ZNF563: variants seen among roughly 807,000 people sequenced by gnomAD.
ZNF563 encodes the protein zinc finger protein 563.
In ZNF563, 39 loss-of-function variants were observed where a neutral mutation model predicts 48.5. That is an observed-to-expected ratio of 0.80 (90% CI 0.62 to 1.05). ZNF563 has a LOEUF of 1.05. ZNF563 is among the 50% of genes least tolerant of loss of function. The pLI is 0.00. For synonymous variants in ZNF563, 168 were observed against 187.9 expected, an observed-to-expected ratio of 0.89 and a Z score of 0.87; for missense variants, 538 against 597.0, an observed-to-expected ratio of 0.90 and a Z score of 1.03.
chr19:12,319,824 C>T lies in ZNF563; in HGVS notation c.201G>A (p.Met67Ile). 6.2e-7 allele frequency: 1 copy of T among 1,609,184 alleles called. No homozygotes were observed. Among genetic ancestry groups the T allele is most frequent in the Non-Finnish European group, 8.5e-7 (1 of 1,176,922 alleles). ...CTTTACTTTCACTGAATCTCTCTAC[C>T]ATATGACATCTGTAAAAAATGAGTA... ...KNPRRNLRCH[M>I]VERFSESKDS... Residue 67 changes from methionine to isoleucine, a missense_variant, in exon 4 of 4, where the codon ATG (methionine) becomes ATA (isoleucine). Coordinates refer to ENST00000293725, the MANE Select transcript of ZNF563 (RefSeq NM_145276.3).
At chr19:12,338,580 G>A (rs536761601), upstream of ZNF563, among the ~76,000 whole-genome samples, 12 of 152,192 alleles carry the variant, frequency 7.9e-5, no homozygotes, top group South Asian at 2.1e-4. Context: ...TTGGCCAAGC[G>A]CAGTGGCTCA....
chr19:12,344,191 G>A, the ZNF563 span, among the ~76,000 whole-genome samples: 3 of 151,816 alleles, frequency 2.0e-5, no homozygotes, highest in Non-Finnish European at 2.9e-5. Flanking sequence ...CCAGCAATTC[G>A]AGACCAGCCT....
Position 12,319,116 on chromosome 19 carries a change from G to A in ZNF563, c.909C>T (p.His303=). 1 of 1,614,112 alleles carries A rather than the reference G, an allele frequency of 6.2e-7. No individual in the cohort carries two copies. The highest frequency in any genetic ancestry group is 8.5e-7 in the Non-Finnish European group (1 of 1,180,018). ...TACACTCATAGGGTTTCTCTGCACTGTGAGTGGTTTCATGTCTTCGAAGGG... is the reference window on the plus strand; with the variant it reads ...TACACTCATAGGGTTTCTCTGCACTATGAGTGGTTTCATGTCTTCGAAGGG... ...SSSLRRHETT[H]SAEKPYECKQ... Residue 303 remains histidine (H), a synonymous_variant, in exon 4 of 4, where the codon CAC becomes CAT. Transcript: ENST00000293725.
chr19:12,318,518 G>A lies in ZNF563; in HGVS notation c.*76C>T. ...GGCTTTCCCACATTTACATTTATAG[G>A]GTTTCTGTCCAGTGTAAGTTTATTC... On this transcript the variant is annotated 3_prime_UTR_variant, in exon 4 of 4. Coordinates refer to ENST00000293725, the MANE Select transcript of ZNF563 (RefSeq NM_145276.3). 2 of 1,444,558 alleles carry A rather than the reference G, an allele frequency of 1.4e-6. No homozygotes were observed. Among genetic ancestry groups the A allele is most frequent in the Non-Finnish European group, 1.9e-6 (2 of 1,065,230 alleles). 89.5% of individuals were successfully genotyped at this position (1,444,558 alleles called of 1,614,324 possible).
chr19:12,319,222 T>A lies in ZNF563; in HGVS notation c.803A>T (p.Tyr268Phe). 2.5e-6 allele frequency: 4 copies of A among 1,613,846 alleles called. No homozygotes were observed. Among genetic ancestry groups the A allele is most frequent in the Non-Finnish European group, 3.4e-6 (4 of 1,179,954 alleles). Residue 268 changes from tyrosine to phenylalanine, a missense_variant, in exon 4 of 4, where the codon TAT becomes TTT. Tyr to Phe is a conservative substitution (Grantham distance 22). Coordinates refer to ENST00000293725, the MANE Select transcript of ZNF563 (RefSeq NM_145276.3). The stretch of plus-strand genomic sequence containing the variant: ...AGTGTGAGTTCTTTCATGTCTTATA[T>A]AGGAACTGGAATCAGGCAAGGCTTT... ...CSKALPDSSSYIRHERTHTGE... is the reference protein window; with the variant it reads ...CSKALPDSSSFIRHERTHTGE...
chr19:12,339,572 G>A, the ZNF563 span, among the ~76,000 whole-genome samples: 1 of 152,046 alleles, frequency 6.6e-6, no homozygotes, highest in Non-Finnish European at 1.5e-5. Flanking sequence ...GAGCCACCAT[G>A]CCTGGCCAGC....
intron 1 of ZNF563, among the ~76,000 whole-genome samples, chr19:12,323,162 A>G (rs954186135): frequency 6.6e-6 from 1 of 152,212 alleles, no homozygotes; most frequent in Non-Finnish European, 1.5e-5. Context: ...CACCAATGTA[A>G]CTAATAACAG....
intron 3 of ZNF563, 102 bp downstream of exon 3, chr19:12,321,170 A>T: frequency 1.2e-6 from 1 of 849,428 alleles, no homozygotes; most frequent in East Asian, 3.0e-5. Flanking sequence ...AAATTAAAAA[A>T]TAAATTTAAG....
intron 1 of ZNF563, among the ~76,000 whole-genome samples, chr19:12,333,254 G>A (rs894447444): frequency 6.6e-6 from 1 of 152,194 alleles, no homozygotes; most frequent in African/African-American, 2.4e-5. Context: ...CTCCGAGGCC[G>A]GGACCGCAGT....
chr19:12,331,622 C>G (rs1968920916), intron 1 of ZNF563, among the ~76,000 whole-genome samples: 3 of 152,132 alleles, frequency 2.0e-5, no homozygotes, highest in Non-Finnish European at 4.4e-5. Flanking sequence ...AAGAGGATAC[C>G]AGGGGAATCC....
chr19:12,333,697 G>A (rs1268727030), upstream of ZNF563: 3 of 606,850 alleles, frequency 4.9e-6, no homozygotes, highest in Non-Finnish European at 8.2e-6. Flanking sequence ...GCACCCTACT[G>A]CCAGCCGTGC....
intron 1 of ZNF563, among the ~76,000 whole-genome samples, chr19:12,325,992 A>G (rs558039091): frequency 6.6e-6 from 1 of 152,348 alleles, no homozygotes; most frequent in South Asian, 2.1e-4. Context: ...AATGAAGGGG[A>G]CAGAATCTGA....
chr19:12,340,590 G>A, the ZNF563 span, among the ~76,000 whole-genome samples: 3 of 151,960 alleles, frequency 2.0e-5, no homozygotes, highest in Admixed American at 6.6e-5. Flanking sequence ...CCTGGCCAAC[G>A]TGGTGAAACC....
intron 1 of ZNF563, among the ~76,000 whole-genome samples, chr19:12,323,164 T>G (rs1227021348): frequency 6.6e-6 from 1 of 152,206 alleles, no homozygotes; most frequent in Non-Finnish European, 1.5e-5. Flanking sequence ...CCAATGTAAC[T>G]AATAACAGAG....
chr19:12,327,390 A>G (rs1968820037), intron 1 of ZNF563, among the ~76,000 whole-genome samples: 1 of 150,502 alleles, frequency 6.6e-6, no homozygotes, highest in African/African-American at 2.4e-5. Flanking sequence ...AACCCAGGAG[A>G]CGGAGATTGC....
chr19:12,343,831 C>A, the ZNF563 span, among the ~76,000 whole-genome samples: 3 of 149,838 alleles, frequency 2.0e-5, no homozygotes, highest in Non-Finnish European at 3.0e-5. Context: ...CCCGGGTTCA[C>A]GCCATTCTTC....
chr19:12,343,095 G>T, the ZNF563 span, among the ~76,000 whole-genome samples: 2 of 152,098 alleles, frequency 1.3e-5, no homozygotes, highest in South Asian at 2.1e-4. Flanking sequence ...TACTTGAGAG[G>T]CTGAGGCAGG....
chr19:12,338,682 T>C (rs1205354373), upstream of ZNF563, among the ~76,000 whole-genome samples: 3 of 152,012 alleles, frequency 2.0e-5, no homozygotes, highest in African/African-American at 7.2e-5. Context: ...GGAGAAACCC[T>C]GTCTCTATAA....
Position 12,318,447 on chromosome 19 carries a change from C to T in ZNF563, c.*147G>A. 3.3e-6 allele frequency: 3 copies of T among 896,660 alleles called. No individual in the cohort carries two copies. Among genetic ancestry groups the T allele is most frequent in the Non-Finnish European group, 5.0e-6 (3 of 600,488 alleles). 55.5% of individuals were successfully genotyped at this position (896,660 alleles called of 1,614,324 possible). A position where few individuals can be genotyped will look rare whatever the true frequency, so the allele number is the denominator to read the frequency against. On this transcript the variant is annotated 3_prime_UTR_variant, in exon 4 of 4. Transcript: ENST00000293725. The stretch of plus-strand genomic sequence containing the variant: ...TTCCTTATATCATACAGCATCTCTC[C>T]AGTGTGAGATATTTCATGATTTTGA...
Sources: allele counts gnomAD v4.1 joint callset (sites outside exome capture counted in the v4.1 genomes callset), GRCh38; gene constraint gnomAD v4.1.1; transcripts MANE v1.5; gene names NCBI Gene and HGNC (gene_info 2026-07-23, HGNC 2026-07-21).